FBLN1: variants seen among roughly 807,000 people sequenced by gnomAD.
FBLN1 encodes the protein fibulin-1.
In FBLN1, 34 loss-of-function variants were observed where a neutral mutation model predicts 89.7. The observed-to-expected ratio is 0.38, with a 90% CI of 0.29 to 0.50. FBLN1 has a LOEUF of 0.50. Among genes scored for constraint, FBLN1 ranks in the 20% least tolerant of loss-of-function variants. The pLI is 0.92. For synonymous variants in FBLN1, 393 were observed against 391.3 expected (o/e 1.00, Z -0.05); for missense variants, 777 against 988.1 (o/e 0.79, Z 2.86).
At chr22:45,506,949 C>T (rs2088029852) in intron 1 of FBLN1, among the ~76,000 whole-genome samples, 1 of 152,218 alleles carries the variant, frequency 6.6e-6, no homozygotes. Flanking sequence ...AATAGCAAAT[C>T]ATAACAATTT....
In FBLN1 at chr22:45,502,953, C is replaced by A; in HGVS notation, c.-33C>A. On this transcript the variant is annotated 5_prime_UTR_variant, in exon 1 of 17. Coordinates refer to ENST00000327858, the MANE Select transcript of FBLN1 (RefSeq NM_006486.3). ...CCCAGGACCGCGCCCGCGCCTTTGT[C>A]CGCCGCCGCCCACCGCCCGTCGCCC... 3.9e-6 allele frequency: 4 copies of A among 1,030,390 alleles called. No individual in the cohort carries two copies. Among genetic ancestry groups the A allele is most frequent in the Non-Finnish European group, 3.6e-6 (3 of 843,968 alleles). The allele number at this position is 1,030,390 out of a possible 1,614,324, so 63.8% of individuals were successfully genotyped here.
chr22:45,531,443 C>A lies in FBLN1; in HGVS notation c.544+119C>A, dbSNP rs1450932864. ...GCCAAGGCAGGAGGATTCCTTGAGC[C>A]CAGGAGGTTGTGGCTGCAGTGAGCT... On this transcript the variant is annotated intron_variant, in intron 5 of 16. Coordinates refer to ENST00000327858, the MANE Select transcript of FBLN1 (RefSeq NM_006486.3). This position sits in a 1 kb window ranked among gnomAD's most constrained non-coding sequence, Gnocchi z 4.9. 2.3e-6 allele frequency: 2 copies of A among 866,350 alleles called. No homozygotes were observed. Among genetic ancestry groups the A allele is most frequent in the Non-Finnish European group, 3.9e-6 (2 of 519,462 alleles). 53.7% of individuals were successfully genotyped at this position (866,350 alleles called of 1,614,324 possible).
At chr22:45,523,324 G>A (rs1019427901) in intron 2 of FBLN1, 4 of 548,882 alleles carry the variant, frequency 7.3e-6, no homozygotes, top group African/African-American at 5.6e-5. Flanking sequence ...TAGAGGCTGG[G>A]GTGTTGGGGG....
intron 14 of FBLN1, among the ~76,000 whole-genome samples, chr22:45,552,699 T>C (rs1036544761): frequency 2.6e-5 from 4 of 152,140 alleles, no homozygotes; most frequent in African/African-American, 9.7e-5. Flanking sequence ...TCTCTCTCTC[T>C]CCACTCAGAC....
rs372113593 is a variant in FBLN1, at chr22:45,547,137, C to T, written c.1374C>T (p.Tyr458=). The T allele has an allele frequency of 1.7e-5, 28 of 1,614,004 alleles. No individual in the cohort carries two copies. The highest frequency in any genetic ancestry group is 1.6e-4 in the Middle Eastern group (1 of 6,084). The change falls in exon 12 of 17, where the codon TAC becomes TAT. Residue 458 remains tyrosine (Y), a synonymous_variant. Coordinates refer to ENST00000327858, the MANE Select transcript of FBLN1 (RefSeq NM_006486.3). ...SPCSQECANV[Y]GSYQCYCRRG... is the part of the protein sequence containing the mutation. ...GTAGCCAGGAGTGTGCCAACGTCTA[C>T]GGCTCCTACCAGTGTTACTGCCGGC...
chr22:45,594,272 A>T (rs2089164403), intron 16 of FBLN1, among the ~76,000 whole-genome samples: 1 of 151,506 alleles, frequency 6.6e-6, no homozygotes, highest in South Asian at 2.1e-4. Context: ...AGAATTCGTG[A>T]TGGGGAGGCA....
chr22:45,552,697 T>C (rs532021876), intron 14 of FBLN1, among the ~76,000 whole-genome samples: 1 of 152,192 alleles, frequency 6.6e-6, no homozygotes, highest in South Asian at 2.1e-4. Context: ...TTTCTCTCTC[T>C]CTCCACTCAG....
chr22:45,535,142 T>C (rs2088467014), intron 7 of FBLN1, 58 bp from the exon 8 acceptor site: 1 of 1,603,226 alleles, frequency 6.2e-7, no homozygotes, highest in South Asian at 1.1e-5. Context: ...TTTAAAGTGT[T>C]GTAAGATGCT....
intron 4 of FBLN1, among the ~76,000 whole-genome samples, chr22:45,529,416 G>A (rs2088373633): frequency 6.6e-6 from 1 of 152,202 alleles, no homozygotes. Context: ...AGACTTTGTG[G>A]CTGTCCAGTA....
At chr22:45,525,117 G>A (rs2088304143) in intron 2 of FBLN1, among the ~76,000 whole-genome samples, 1 of 129,920 alleles carries the variant, frequency 7.7e-6, no homozygotes, top group South Asian at 2.6e-4. Context: ...GAGAGAGAGA[G>A]AGAGAAAGAA....
intron 1 of FBLN1, among the ~76,000 whole-genome samples, chr22:45,506,100 C>T (rs2146934287): frequency 6.6e-6 from 1 of 152,324 alleles, no homozygotes; most frequent in African/African-American, 2.4e-5. Flanking sequence ...GCTATTATTC[C>T]TGTTGTCCCC....
rs748239759 is a variant in FBLN1 at position 45,600,357 on chromosome 22, AAGCTGG to A, written c.2026_2031del (p.Leu676_Glu677del). 1 of 1,613,982 alleles carries A rather than the reference AAGCTGG, an allele frequency of 6.2e-7. No individual in the cohort carries two copies. The highest frequency in any genetic ancestry group is 8.5e-7 in the Non-Finnish European group (1 of 1,180,020). ...CGTGGGCCCATTTCATGCCGTCCTGAAGCTGGAGATGAACTATGTGGTCGGGGGCGT... is the reference window on the plus strand; with the variant it reads ...CGTGGGCCCATTTCATGCCGTCCTGAAGATGAACTATGTGGTCGGGGGCGT... On this transcript the variant is annotated inframe_deletion, in exon 17 of 17. Transcript: ENST00000327858.
chr22:45,503,722 G>A (rs1345175010), intron 1 of FBLN1, among the ~76,000 whole-genome samples: 1 of 152,198 alleles, frequency 6.6e-6, no homozygotes, highest in Non-Finnish European at 1.5e-5. Context: ...CAAGGCAGTG[G>A]TTCTGCCGGG....
intron 16 of FBLN1, among the ~76,000 whole-genome samples, chr22:45,596,201 A>C (rs1487477602): frequency 1.3e-5 from 2 of 152,228 alleles, no homozygotes; most frequent in East Asian, 3.8e-4. Flanking sequence ...TGTTCATAGA[A>C]GAGGAAATTG....
chr22:45,578,750 T>G lies in FBLN1; in HGVS notation c.1972+1642T>G, dbSNP rs2089019392. On this transcript the variant is annotated intron_variant, in intron 16 of 16. Coordinates refer to ENST00000327858, the MANE Select transcript of FBLN1 (RefSeq NM_006486.3). The surrounding 1 kb of genome is among the most constrained non-coding windows in gnomAD (Gnocchi z 4.6). Reference sequence around the variant, plus strand: ...TGGGCCTGCAGTTGTGGCTGGGACATGGCCCTCAGGTGATTTCTAGATCTT... The same window carrying G: ...TGGGCCTGCAGTTGTGGCTGGGACAGGGCCCTCAGGTGATTTCTAGATCTT... Among the ~76,000 whole-genome samples, 2 of 152,228 alleles carry G rather than the reference T, an allele frequency of 1.3e-5. No homozygotes were observed. Among genetic ancestry groups the G allele is most frequent in the Admixed American group, 1.3e-4 (2 of 15,290 alleles).
rs751651153 is a variant in FBLN1, at chr22:45,563,260, G to C, written c.1698-11251G>C. The C allele has an allele frequency of 6.2e-7, 1 of 1,613,498 alleles. No homozygotes were observed. ...AGCTTTTCATCTTTGTGTCTGCAGAGCTCTGAGCACTCGCTTCGCGTCGCG... is the reference window on the plus strand; with the variant it reads ...AGCTTTTCATCTTTGTGTCTGCAGACCTCTGAGCACTCGCTTCGCGTCGCG... On this transcript the variant is annotated intron_variant, in intron 14 of 16. Coordinates refer to ENST00000327858, the MANE Select transcript of FBLN1 (RefSeq NM_006486.3). The surrounding 1 kb of genome is among the most constrained non-coding windows in gnomAD (Gnocchi z 5.7).
chr22:45,597,885 G>A lies in FBLN1; in HGVS notation c.1973-2422G>A, dbSNP rs2089199728. On this transcript the variant is annotated intron_variant, in intron 16 of 16. Transcript: ENST00000327858. This position sits in a 1 kb window ranked among gnomAD's most constrained non-coding sequence, Gnocchi z 4.2. ...TTCACTTTTGAAACATAAGCCCAGA[G>A]AGCGAAAGGGGGGAACGTTGTGCCC... is the stretch of plus-strand genomic sequence containing the variant. 6.6e-6 allele frequency among the ~76,000 whole-genome samples: 1 copy of A among 152,160 alleles called. No homozygotes were observed. The highest frequency in any genetic ancestry group is 1.5e-5 in the Non-Finnish European group (1 of 68,034).
rs1188670439 is a variant in FBLN1 at position 45,534,042 on chromosome 22, G to A, written c.784+144G>A. 8 of 1,156,358 alleles carry A rather than the reference G, an allele frequency of 6.9e-6. No individual in the cohort carries two copies. In the Admixed American group the frequency reaches 1.4e-4, roughly 20 times the overall value. The allele number at this position is 1,156,358 out of a possible 1,614,324, so 71.6% of individuals were successfully genotyped here. ...CGACTGCCTGCTCATCTGCAGGAGGGAGGTGGTTATACCCACCAGGGTGTC... is the reference window on the plus strand; with the variant it reads ...CGACTGCCTGCTCATCTGCAGGAGGAAGGTGGTTATACCCACCAGGGTGTC... On this transcript the variant is annotated intron_variant, in intron 7 of 16. Coordinates refer to ENST00000327858, the MANE Select transcript of FBLN1 (RefSeq NM_006486.3).
intron 14 of FBLN1, among the ~76,000 whole-genome samples, chr22:45,573,537 C>T (rs914823601): frequency 2.0e-5 from 3 of 151,428 alleles, no homozygotes; most frequent in African/African-American, 7.3e-5. Flanking sequence ...AAAAATTAGC[C>T]GGGCATGGTG....
Sources: gnomAD v4.1 joint callset for allele counts (sites outside exome capture counted in the v4.1 genomes callset) on GRCh38, gnomAD v4.1.1 for gene constraint, Gnocchi (gnomAD v3.1) non-coding constraint, MANE v1.5 for transcripts, NCBI Gene and HGNC (gene_info 2026-07-23, HGNC 2026-07-21) for gene names.